Variants in SEPTIN9 observed in about 807,000 individuals in gnomAD.
SEPTIN9 encodes septin-9.
In SEPTIN9, 13 loss-of-function variants were observed where a neutral mutation model predicts 56.6. The ratio of observed to expected loss-of-function variants is 0.23; its 90% CI spans 0.15 to 0.37. The LOEUF (loss-of-function observed/expected upper bound fraction) is 0.37, where lower values mean the gene tolerates loss of function less well. Among genes scored for constraint, SEPTIN9 ranks in the 10% least tolerant of loss-of-function variants. The probability of loss-of-function intolerance (pLI) is 1.00; values close to 1 mark genes in which losing one functional copy is unlikely to be tolerated. For synonymous variants in SEPTIN9, 332 were observed against 334.1 expected (o/e 0.99, Z 0.07); for missense variants, 650 against 823.1 (o/e 0.79, Z 2.57).
chr17:77,345,412 C>T (rs1327150229), intron 2 of SEPTIN9, among the ~76,000 whole-genome samples: 1 of 152,260 alleles, frequency 6.6e-6, no homozygotes, highest in East Asian at 1.9e-4. Flanking sequence ...GCGTCCTCCA[C>T]ACCTTGCCAC....
rs764884251 is a variant in SEPTIN9, at chr17:77,475,201, TG to T, written c.722-6936del. 4.2e-6 allele frequency: 5 copies of T among 1,201,644 alleles called. No individual in the cohort carries two copies. Among genetic ancestry groups the T allele is most frequent in the African/African-American group, 1.5e-5 (1 of 65,184 alleles). 74.4% of individuals were successfully genotyped at this position (1,201,644 alleles called of 1,614,324 possible). On this transcript the variant is annotated intron_variant, in intron 3 of 11. Coordinates refer to ENST00000427177, the MANE Select transcript of SEPTIN9 (RefSeq NM_001113491.2). The surrounding 1 kb of genome is among the most constrained non-coding windows in gnomAD (Gnocchi z 4.6). Reference sequence around the variant, plus strand: ...GGTGTCTGGCTTCACAAACCCTGTGTGGGGGGGTTGTGGTGAGAGGAAACCG... The same window carrying T: ...GGTGTCTGGCTTCACAAACCCTGTGTGGGGGGTTGTGGTGAGAGGAAACCG...
In SEPTIN9 at chr17:77,437,353, C is replaced by T. The variant is rs1040614830; in HGVS notation, c.721+34650C>T. On this transcript the variant is annotated intron_variant, in intron 3 of 11. Coordinates refer to ENST00000427177, the MANE Select transcript of SEPTIN9 (RefSeq NM_001113491.2). The surrounding 1 kb of genome is among the most constrained non-coding windows in gnomAD (Gnocchi z 5.3). The stretch of plus-strand genomic sequence containing the variant: ...CCCTCCCTTCTACACCCCCACCCCA[C>T]GCCCCCAGGAGCTCCCTATGGGGAA... Among the ~76,000 whole-genome samples, 16 of 152,300 alleles carry T rather than the reference C, an allele frequency of 1.1e-4. No homozygotes were observed. The highest frequency in any genetic ancestry group is 3.9e-4 in the Admixed American group (6 of 15,308).
At chr17:77,424,056 C>T (rs1045917192) in intron 3 of SEPTIN9, among the ~76,000 whole-genome samples, 2 of 152,218 alleles carry the variant, frequency 1.3e-5, no homozygotes, top group Non-Finnish European at 2.9e-5. Flanking sequence ...CGCAAGGAGG[C>T]TGTCATTCCA....
At chr17:77,360,254 A>T (rs1598251170) in intron 2 of SEPTIN9, among the ~76,000 whole-genome samples, 1 of 151,770 alleles carries the variant, frequency 6.6e-6, no homozygotes, top group Admixed American at 6.6e-5. Context: ...CCTGCCCCAC[A>T]TCACATCAGT....
In SEPTIN9 at chr17:77,498,785, T is replaced by G; in HGVS notation, c.*127T>G. 3.3e-6 allele frequency: 2 copies of G among 610,362 alleles called. No homozygotes were observed. The highest frequency in any genetic ancestry group is 3.2e-5 in the South Asian group (2 of 62,240). 37.8% of individuals were successfully genotyped at this position (610,362 alleles called of 1,614,324 possible). A position where few individuals can be genotyped will look rare whatever the true frequency, so the allele number is the denominator to read the frequency against. ...GTCATCGTTCCCCACCCCTTCGACATGCTGCCAGGAAACAAGGGAAGGGGC... is the reference window on the plus strand; with the variant it reads ...GTCATCGTTCCCCACCCCTTCGACAGGCTGCCAGGAAACAAGGGAAGGGGC... On this transcript the variant is annotated 3_prime_UTR_variant, in exon 12 of 12. Transcript: ENST00000427177.
intron 2 of SEPTIN9, 148 bp from the exon 3 acceptor site, chr17:77,401,911 C>T (rs962527800): frequency 2.3e-5 from 17 of 747,274 alleles, no homozygotes; most frequent in Middle Eastern, 3.0e-4. Context: ...CTGTCCCTTC[C>T]GCTTGCTGAG....
At chr17:77,404,685 T>C (rs1047508553) in intron 3 of SEPTIN9, among the ~76,000 whole-genome samples, 2 of 152,052 alleles carry the variant, frequency 1.3e-5, no homozygotes, top group African/African-American at 2.4e-5. Context: ...GAGTGCACAT[T>C]TGTCTTGGCG....
At chr17:77,392,362 C>A (rs985102297) in intron 2 of SEPTIN9, among the ~76,000 whole-genome samples, 5 of 152,140 alleles carry the variant, frequency 3.3e-5, no homozygotes, top group African/African-American at 1.2e-4. Context: ...GGGTGCTGAC[C>A]CCCCTGGTGC....
intron 3 of SEPTIN9, among the ~76,000 whole-genome samples, chr17:77,409,845 G>A (rs147950170): frequency 1.5e-3 from 228 of 152,318 alleles, no homozygotes; most frequent in African/African-American, 5.2e-3. Flanking sequence ...CTGGAGGAGC[G>A]CACTCAGACT....
At position 77,367,553 on chromosome 17, in the gene SEPTIN9, C is replaced by T. The variant is rs117881477; in HGVS notation, c.77-34506C>T. 0.056 allele frequency among the ~76,000 whole-genome samples: 8,488 copies of T among 152,110 alleles called. 244 individuals carry two copies. Among genetic ancestry groups the T allele is most frequent in the Middle Eastern group, 0.071 (21 of 294 alleles). On this transcript the variant is annotated intron_variant, in intron 2 of 11. Transcript: ENST00000427177. This position sits in a 1 kb window ranked among gnomAD's most constrained non-coding sequence, Gnocchi z 4.5. ...AGTGATGGCTGGGCGCAGTGGCTCA[C>T]GTCTGTAATCCCAGCACTTTGGGAG...
intron 4 of SEPTIN9, among the ~76,000 whole-genome samples, chr17:77,486,292 C>T (rs1456316322): frequency 6.6e-6 from 1 of 151,916 alleles, no homozygotes; most frequent in Non-Finnish European, 1.5e-5. Flanking sequence ...GATGTAGAGA[C>T]AGGGTCTCTC....
chr17:77,410,953 C>T (rs968700168), intron 3 of SEPTIN9, among the ~76,000 whole-genome samples: 1 of 152,094 alleles, frequency 6.6e-6, no homozygotes, highest in African/African-American at 2.4e-5. Context: ...GGCGTGGTGG[C>T]GGGCACCTGT....
At chr17:77,452,571 T>C (rs1208232836) in intron 3 of SEPTIN9, among the ~76,000 whole-genome samples, 1 of 152,124 alleles carries the variant, frequency 6.6e-6, no homozygotes, top group Non-Finnish European at 1.5e-5. Context: ...CGGAAGCAGG[T>C]TGAGCAGTGG....
chr17:77,486,199 C>T (rs114957755), intron 4 of SEPTIN9, among the ~76,000 whole-genome samples: 3,311 of 152,182 alleles, frequency 0.022, 114 homozygotes, highest in African/African-American at 0.075. Flanking sequence ...CACTCCTGGG[C>T]TTGAGCAATT....
chr17:77,291,786 CT>C (rs2031569511), intron 1 of SEPTIN9, among the ~76,000 whole-genome samples: 1 of 152,158 alleles, frequency 6.6e-6, no homozygotes, highest in Non-Finnish European at 1.5e-5. Context: ...CCTCCACTTG[CT>C]TTGGCTGCCT....
At chr17:77,423,990 G>T (rs1168888780) in intron 3 of SEPTIN9, among the ~76,000 whole-genome samples, 1 of 152,122 alleles carries the variant, frequency 6.6e-6, no homozygotes. Context: ...GCCTGTCCTT[G>T]GCTCACTTTC....
chr17:77,470,066 CTCATTCACCCATCTAT>C (rs2038919260), intron 3 of SEPTIN9, among the ~76,000 whole-genome samples: 1 of 151,392 alleles, frequency 6.6e-6, no homozygotes, highest in African/African-American at 2.4e-5. Flanking sequence ...CACCCATCCA[CTCATTCACCCATCTAT>C]CCATCCACTC....
At chr17:77,359,722 G>C (rs1468884200) in intron 2 of SEPTIN9, among the ~76,000 whole-genome samples, 3 of 152,162 alleles carry the variant, frequency 2.0e-5, no homozygotes, top group Non-Finnish European at 2.9e-5. Context: ...CTTGGGCCTA[G>C]GAGTTCGAGG....
In SEPTIN9 at chr17:77,428,969, C is replaced by G. The variant is rs765851327; in HGVS notation, c.721+26266C>G. On this transcript the variant is annotated intron_variant, in intron 3 of 11. Transcript: ENST00000427177. Reference sequence around the variant, plus strand: ...CAGACATGTCACAGCCCTGGTTATACAGTCAGTGTATAATAAGTGGTAAGC... The same window carrying G: ...CAGACATGTCACAGCCCTGGTTATAGAGTCAGTGTATAATAAGTGGTAAGC... 45 of 464,246 alleles carry G rather than the reference C, an allele frequency of 9.7e-5. 1 individual carries two copies. The highest frequency in any genetic ancestry group is 6.8e-4 in the South Asian group (44 of 64,430). 28.8% of individuals were successfully genotyped at this position (464,246 alleles called of 1,614,324 possible).
Sources: allele counts gnomAD v4.1 joint callset (sites outside exome capture counted in the v4.1 genomes callset), GRCh38; gene constraint gnomAD v4.1.1; non-coding constraint Gnocchi (gnomAD v3.1); transcripts MANE v1.5; gene names NCBI Gene and HGNC (gene_info 2026-07-23, HGNC 2026-07-21).